The following TNR variants were observed in gnomAD, a reference collection of about 807,000 sequenced individuals.
TNR encodes tenascin-R.
Under a neutral mutation model 150.4 loss-of-function variants are expected in TNR, and 45 were observed. That is an observed-to-expected ratio of 0.30 (90% CI 0.24 to 0.38). The LOEUF (loss-of-function observed/expected upper bound fraction) is 0.38, where lower values mean the gene tolerates loss of function less well. TNR is among the 10% of genes least tolerant of loss of function. The probability of loss-of-function intolerance (pLI) is 1.00; values close to 1 mark genes in which losing one functional copy is unlikely to be tolerated. For missense variants in TNR, 1,544 were observed against 1,759.1 expected (o/e 0.88, Z 2.19); for synonymous variants, 687 against 678.4 (o/e 1.01, Z -0.20).
In TNR at chr1:175,400,498, GTCTTGAGA is replaced by G. The variant is rs1041035189; in HGVS notation, c.976+2634_976+2641del. ...ACATGGGCAGAGAATGGAGGCAGAA[GTCTTGAGA>G]TTTTGTCCCTTGGCACACTATGAGG... is the stretch of plus-strand genomic sequence containing the variant. On this transcript the variant is annotated intron_variant, in intron 4 of 22. Transcript: ENST00000367674. 8.5e-5 allele frequency among the ~76,000 whole-genome samples: 13 copies of G among 152,304 alleles called. No homozygotes were observed. The East Asian group carries it at 2.5e-3, about 29-fold the overall frequency.
At chr1:175,664,914 C>G (rs1163967938) in intron 1 of TNR, among the ~76,000 whole-genome samples, 1 of 152,172 alleles carries the variant, frequency 6.6e-6, no homozygotes, top group Non-Finnish European at 1.5e-5. Flanking sequence ...CCAAAGACAG[C>G]ATACCTGAGT....
rs188835920 is a variant in TNR, at chr1:175,500,125, G to A, written c.-64+28144C>T. 1.6e-4 allele frequency among the ~76,000 whole-genome samples: 24 copies of A among 152,282 alleles called. No homozygotes were observed. In the East Asian group the frequency reaches 3.1e-3, roughly 20 times the overall value. ...AATAGTCAAGTCAGAACAGCAGCCC[G>A]GTGGAGCTCAAAGGCTGACTTTTCA... On this transcript the variant is annotated intron_variant, in intron 2 of 22. Transcript: ENST00000367674.
chr1:175,457,487 C>G (rs1656618520), intron 2 of TNR, among the ~76,000 whole-genome samples: 1 of 152,194 alleles, frequency 6.6e-6, no homozygotes, highest in Non-Finnish European at 1.5e-5. Flanking sequence ...CATGTGGCAT[C>G]CTTACTCCTA....
rs187620389 is a variant in TNR, at chr1:175,714,489, G to A, written c.-165+28737C>T. On this transcript the variant is annotated intron_variant, in intron 1 of 22. Coordinates refer to ENST00000367674, the MANE Select transcript of TNR (RefSeq NM_003285.3). The stretch of plus-strand genomic sequence containing the variant: ...CCAGCTGGCACTGCGCCCCAGAAGC[G>A]TATTGACTGGCCAATCAATTCTCAA... Among the ~76,000 whole-genome samples, 109 of 152,262 alleles carry A rather than the reference G, an allele frequency of 7.2e-4. 3 individuals are homozygous for A. In the East Asian group the frequency reaches 0.017, roughly 24 times the overall value.
chr1:175,515,667 G>A (rs747168496), intron 2 of TNR, among the ~76,000 whole-genome samples: 9 of 152,188 alleles, frequency 5.9e-5, no homozygotes, highest in Non-Finnish European at 1.2e-4. Context: ...AGTGAGAACA[G>A]TGAAAATGGT....
At chr1:175,640,859 T>A (rs1226536662) in intron 1 of TNR, among the ~76,000 whole-genome samples, 1 of 150,836 alleles carries the variant, frequency 6.6e-6, no homozygotes. Context: ...AAAAGCAAAT[T>A]TTCCTTCTAA....
chr1:175,653,136 T>G lies in TNR; in HGVS notation c.-165+90090A>C, dbSNP rs916516007. ...TTGAAATGATGTACATGAAGTTTTC[T>G]TATAACCACTGGGCCCATTCCTGGA... On this transcript the variant is annotated intron_variant, in intron 1 of 22. Transcript: ENST00000367674. Among the ~76,000 whole-genome samples, 4 of 152,208 alleles carry G rather than the reference T, an allele frequency of 2.6e-5. No individual in the cohort carries two copies. In the East Asian group the frequency reaches 7.7e-4, roughly 29 times the overall value.
intron 8 of TNR, among the ~76,000 whole-genome samples, chr1:175,385,826 G>T (rs1002978265): frequency 6.6e-6 from 1 of 152,178 alleles, no homozygotes; most frequent in Non-Finnish European, 1.5e-5. Context: ...GGTAGGATGA[G>T]AAGCTAGTTT....
At chr1:175,377,444 C>T (rs887626018) in intron 9 of TNR, among the ~76,000 whole-genome samples, 13 of 149,158 alleles carry the variant, frequency 8.7e-5, no homozygotes, top group Non-Finnish European at 1.9e-4. Flanking sequence ...CAGTTCCCTC[C>T]TGTATCATTT....
At chr1:175,709,279 T>C (rs1666927736) in intron 1 of TNR, among the ~76,000 whole-genome samples, 1 of 149,760 alleles carries the variant, frequency 6.7e-6, no homozygotes, top group Non-Finnish European at 1.5e-5. Context: ...AAAATTGGGC[T>C]TCCTCCCTTG....
chr1:175,576,279 C>T (rs1043254169), intron 1 of TNR, among the ~76,000 whole-genome samples: 5 of 152,098 alleles, frequency 3.3e-5, no homozygotes, highest in African/African-American at 9.7e-5. Context: ...AATTTCCCAC[C>T]GGTTTTCCCT....
intron 2 of TNR, among the ~76,000 whole-genome samples, chr1:175,485,684 C>G (rs181955979): frequency 7.9e-5 from 12 of 152,262 alleles, no homozygotes; most frequent in Non-Finnish European, 1.0e-4. Flanking sequence ...GCTCTCCCCC[C>G]ACTTTTCAAG....
chr1:175,719,590 T>C (rs1002258386), intron 1 of TNR, among the ~76,000 whole-genome samples: 5 of 152,208 alleles, frequency 3.3e-5, no homozygotes, highest in Non-Finnish European at 7.3e-5. Context: ...CAGTAAGCAT[T>C]CAAAAACACG....
At chr1:175,331,095 T>TTCTTTCTTTCTTTCTTTCTTTCTTTC (rs1557868199) in intron 20 of TNR, among the ~76,000 whole-genome samples, 1 of 132,054 alleles carries the variant, frequency 7.6e-6, no homozygotes, top group Non-Finnish European at 1.6e-5. Flanking sequence ...CTTTCTTTCT[T>TTCTTTCTTTCTTTCTTTCTTTCTTTC]TCTTTCTCTC....
chr1:175,329,902 G>A (rs1460496748), intron 21 of TNR, among the ~76,000 whole-genome samples, 172 bp downstream of exon 21: 3 of 152,232 alleles, frequency 2.0e-5, no homozygotes, highest in Admixed American at 1.3e-4. Context: ...GTCAGGGAGA[G>A]CTGGGACCAG....
rs955808377 is a variant in TNR at position 175,654,727 on chromosome 1, T to TC, written c.-165+88498_-165+88499insG. ...CCAACAAAAGTTCCCTTCTTTTTTTTTTTTTTTTTTTTTTTTGGAGACGGA... is the reference window on the plus strand; with the variant it reads ...CCAACAAAAGTTCCCTTCTTTTTTTTCTTTTTTTTTTTTTTTTGGAGACGGA... On this transcript the variant is annotated intron_variant, in intron 1 of 22. Coordinates refer to ENST00000367674, the MANE Select transcript of TNR (RefSeq NM_003285.3). Among the ~76,000 whole-genome samples, 21 of 138,066 alleles carry TC rather than the reference T, an allele frequency of 1.5e-4. 1 individual carries two copies. In the South Asian group the frequency reaches 3.8e-3, roughly 25 times the overall value. 90.6% of individuals were successfully genotyped at this position (138,066 alleles called of 152,430 possible). A position where few individuals can be genotyped will look rare whatever the true frequency, so the allele number is the denominator to read the frequency against.
chr1:175,684,706 C>T (rs978246038), intron 1 of TNR, among the ~76,000 whole-genome samples: 1 of 152,146 alleles, frequency 6.6e-6, no homozygotes, highest in African/African-American at 2.4e-5. Context: ...CTGTCAAATG[C>T]TCCATGAAAA....
chr1:175,568,037 C>T (rs16848664), intron 1 of TNR, among the ~76,000 whole-genome samples: 7,124 of 152,184 alleles, frequency 0.047, 574 homozygotes, highest in African/African-American at 0.16. Context: ...CATAAGTCTG[C>T]CAAAATATTT....
chr1:175,379,237 C>A (rs1432304935), intron 9 of TNR, among the ~76,000 whole-genome samples: 1 of 147,260 alleles, frequency 6.8e-6, no homozygotes, highest in South Asian at 2.1e-4. Flanking sequence ...GGCCAGGAGA[C>A]AATGTGAGGG....
Sources: gnomAD v4.1 joint callset for allele counts (sites outside exome capture counted in the v4.1 genomes callset) on GRCh38, gnomAD v4.1.1 for gene constraint, MANE v1.5 for transcripts, NCBI Gene and HGNC (gene_info 2026-07-23, HGNC 2026-07-21) for gene names.